Variants in VTI1A observed in about 807,000 individuals in gnomAD.
The protein encoded by VTI1A is vesicle transport through interaction with t-SNAREs 1A.
In VTI1A, 22 loss-of-function variants were observed where a neutral mutation model predicts 34.9. The observed-to-expected ratio is 0.63, with a 90% CI of 0.45 to 0.90. The LOEUF is 0.90. Among genes scored for constraint, VTI1A ranks in the 40% least tolerant of loss-of-function variants. The pLI, the probability that VTI1A is intolerant of heterozygous loss-of-function variation, is 0.00. For missense variants in VTI1A, 268 were observed against 275.6 expected, an observed-to-expected ratio of 0.97 and a Z score of 0.20; for synonymous variants, 87 against 97.3, an observed-to-expected ratio of 0.89 and a Z score of 0.62.
At chr10:112,730,761 A>G (rs1376126647) in intron 7 of VTI1A, among the ~76,000 whole-genome samples, 8 of 152,138 alleles carry the variant, frequency 5.3e-5, no homozygotes, top group Admixed American at 3.3e-4. Context: ...ACCAATCCCA[A>G]TTGCAAAAAT....
chr10:112,579,684 G>A (rs1461589423), intron 5 of VTI1A, among the ~76,000 whole-genome samples: 3 of 152,086 alleles, frequency 2.0e-5, no homozygotes, highest in Non-Finnish European at 4.4e-5. Flanking sequence ...TTTAAAATAC[G>A]GGAATAAATA....
At chr10:112,519,142 C>T (rs1387662193) in intron 3 of VTI1A, among the ~76,000 whole-genome samples, 1 of 151,982 alleles carries the variant, frequency 6.6e-6, no homozygotes, top group Non-Finnish European at 1.5e-5. Flanking sequence ...AAAGTAAGTA[C>T]CAGGAAAATA....
intron 5 of VTI1A, among the ~76,000 whole-genome samples, chr10:112,652,269 T>G (rs372338614): frequency 6.6e-6 from 1 of 152,118 alleles, no homozygotes; most frequent in East Asian, 1.9e-4. Context: ...AAATGGATGG[T>G]GAAAACAGAC....
intron 5 of VTI1A, among the ~76,000 whole-genome samples, chr10:112,658,438 C>A (rs1847317526): frequency 6.6e-6 from 1 of 152,064 alleles, no homozygotes; most frequent in South Asian, 2.1e-4. Context: ...ATCTTTGATT[C>A]TATTGTTACA....
At chr10:112,762,350 T>A (rs1352891345) in intron 7 of VTI1A, among the ~76,000 whole-genome samples, 1 of 148,048 alleles carries the variant, frequency 6.8e-6, no homozygotes, top group Non-Finnish European at 1.5e-5. Flanking sequence ...GGCTGAGAAC[T>A]TTTTTTTTTC....
Position 112,537,499 on chromosome 10 carries a change from C to G in VTI1A, c.343-747C>G, listed in dbSNP as rs145934030. Among the ~76,000 whole-genome samples the G allele has an allele frequency of 5.9e-5, 9 of 151,472 alleles. No individual in the cohort carries two copies. In the East Asian group the frequency reaches 1.7e-3, roughly 29 times the overall value. On this transcript the variant is annotated intron_variant, in intron 4 of 7. Transcript: ENST00000393077. Reference sequence around the variant, plus strand: ...AGAAGCTGAGGATTTGAAGAAAATCCTCTAATTTCCCCATCAGATAAATAT... The same window carrying G: ...AGAAGCTGAGGATTTGAAGAAAATCGTCTAATTTCCCCATCAGATAAATAT...
chr10:112,696,670 T>C lies in VTI1A; in HGVS notation c.560+27672T>C, dbSNP rs1381892848. On this transcript the variant is annotated intron_variant, in intron 7 of 7. Transcript: ENST00000393077. Reference sequence around the variant, plus strand: ...TGGTCAGATTCTGTTTTCTTTGTTTTCTTAATTTGGGCTGAGTCTTCGAGA... The same window carrying C: ...TGGTCAGATTCTGTTTTCTTTGTTTCCTTAATTTGGGCTGAGTCTTCGAGA... Among the ~76,000 whole-genome samples the C allele has an allele frequency of 2.0e-5, 3 of 152,238 alleles. No individual in the cohort carries two copies. The East Asian group carries it at 5.8e-4, about 29-fold the overall frequency.
At chr10:112,706,034 T>C (rs1411447585) in intron 7 of VTI1A, among the ~76,000 whole-genome samples, 1 of 152,194 alleles carries the variant, frequency 6.6e-6, no homozygotes, top group East Asian at 1.9e-4. Context: ...AGGTGGACTG[T>C]CACAAATGTA....
At chr10:112,673,419 C>T (rs542305446) in intron 7 of VTI1A, among the ~76,000 whole-genome samples, 3 of 152,122 alleles carry the variant, frequency 2.0e-5, no homozygotes, top group South Asian at 2.1e-4. Context: ...CCTCTCTCCC[C>T]GACACTACCT....
intron 1 of VTI1A, among the ~76,000 whole-genome samples, chr10:112,450,883 T>G (rs2043064174): frequency 6.6e-6 from 1 of 152,172 alleles, no homozygotes; most frequent in African/African-American, 2.4e-5. Context: ...AGTTAGTACT[T>G]TATTGTGAAG....
chr10:112,705,521 C>A (rs141418549), intron 7 of VTI1A, among the ~76,000 whole-genome samples: 729 of 152,252 alleles, frequency 4.8e-3, no homozygotes, highest in Non-Finnish European at 7.8e-3. Context: ...CCCCTACCCC[C>A]GACACACACA....
intron 3 of VTI1A, among the ~76,000 whole-genome samples, chr10:112,508,573 A>G (rs1849508339): frequency 6.6e-6 from 1 of 152,202 alleles, no homozygotes; most frequent in Non-Finnish European, 1.5e-5. Context: ...CCCACTTAAT[A>G]TGACAACCAA....
At chr10:112,633,562 G>A (rs1049015476) in intron 5 of VTI1A, among the ~76,000 whole-genome samples, 1 of 152,156 alleles carries the variant, frequency 6.6e-6, no homozygotes, top group African/African-American at 2.4e-5. Flanking sequence ...AGGATACCCA[G>A]GGATCCCAAA....
rs576750004 is a variant in VTI1A, at chr10:112,744,554, C to T, written c.561-70736C>T. ...TGGCCTCTCAGGCTCAAGCGATCTT[C>T]CCACCTCAGCCTCCCAAGTAGCTGG... On this transcript the variant is annotated intron_variant, in intron 7 of 7. Coordinates refer to ENST00000393077, the MANE Select transcript of VTI1A (RefSeq NM_145206.4). Among the ~76,000 whole-genome samples, 45 of 148,790 alleles carry T rather than the reference C, an allele frequency of 3.0e-4. No homozygotes were observed. In the South Asian group the frequency reaches 9.5e-3, roughly 31 times the overall value.
chr10:112,668,879 G>A (rs1461355944), intron 6 of VTI1A, 58 bp from the exon 7 acceptor site: 9 of 1,558,170 alleles, frequency 5.8e-6, no homozygotes, highest in Middle Eastern at 1.7e-4. Context: ...CGCTTGCCAT[G>A]CACTTTAGAA....
At chr10:112,488,825 G>A (rs1488108173) in intron 3 of VTI1A, among the ~76,000 whole-genome samples, 1 of 152,154 alleles carries the variant, frequency 6.6e-6, no homozygotes, top group African/African-American at 2.4e-5. Context: ...AGCACTGTTG[G>A]GGAATGCAAG....
At chr10:112,757,480 C>T (rs770809312) in intron 7 of VTI1A, among the ~76,000 whole-genome samples, 5 of 148,526 alleles carry the variant, frequency 3.4e-5, no homozygotes, top group East Asian at 2.0e-4. Context: ...AATTCTTCCG[C>T]GTCAAGTGAT....
chr10:112,595,974 A>G (rs185458793), intron 5 of VTI1A, among the ~76,000 whole-genome samples: 2,390 of 152,270 alleles, frequency 0.016, 63 homozygotes, highest in African/African-American at 0.054. Flanking sequence ...ATGGAATACT[A>G]TGCAGCCATA....
intron 3 of VTI1A, among the ~76,000 whole-genome samples, chr10:112,492,166 A>C (rs1259654070): frequency 6.6e-6 from 1 of 151,964 alleles, no homozygotes; most frequent in South Asian, 2.1e-4. Context: ...GTCGTCTCCA[A>C]TCTCCCCTTT....
Sources: gnomAD v4.1 joint callset for allele counts (sites outside exome capture counted in the v4.1 genomes callset) on GRCh38, gnomAD v4.1.1 for gene constraint, MANE v1.5 for transcripts, NCBI Gene and HGNC (gene_info 2026-07-23, HGNC 2026-07-21) for gene names.